The following PALD1 variants were observed in gnomAD, a reference collection of about 807,000 sequenced individuals.
PALD1 encodes paladin.
Under a neutral mutation model 96.0 loss-of-function variants are expected in PALD1, and 57 were observed. That is an observed-to-expected ratio of 0.59 (90% confidence interval 0.48 to 0.74). PALD1 has a LOEUF of 0.74. Among genes scored for constraint, PALD1 ranks in the 30% least tolerant of loss-of-function variants. The pLI, the probability that PALD1 is intolerant of heterozygous loss-of-function variation, is 0.00. For missense variants in PALD1, 1,063 were observed against 1,143.7 expected (o/e 0.93, Z 1.02); for synonymous variants, 464 against 473.6 (o/e 0.98, Z 0.26).
At chr10:70,529,382 C>T in intron 3 of PALD1, 51 bp downstream of exon 3, 1 of 861,382 alleles carries the variant, frequency 1.2e-6, no homozygotes. Flanking sequence ...CCACCCCTAT[C>T]TCTCATGAAT....
intron 18 of PALD1, among the ~76,000 whole-genome samples, chr10:70,555,869 C>T (rs901126652): frequency 2.6e-5 from 4 of 152,118 alleles, no homozygotes; most frequent in African/African-American, 9.7e-5. Flanking sequence ...CGCGAGGTGG[C>T]GGTCACCTGT....
intron 1 of PALD1, among the ~76,000 whole-genome samples, chr10:70,480,016 G>A (rs1845901353): frequency 6.6e-6 from 1 of 152,268 alleles, no homozygotes; most frequent in Non-Finnish European, 1.5e-5. Context: ...ACCATTAATT[G>A]CTATGTGAGT....
At chr10:70,519,284 A>G (rs1456753296) in intron 1 of PALD1, among the ~76,000 whole-genome samples, 1 of 152,122 alleles carries the variant, frequency 6.6e-6, no homozygotes, top group Non-Finnish European at 1.5e-5. Flanking sequence ...ACAAAACGCC[A>G]TGAACTGGGT....
chr10:70,561,659 CTCTG>C, intron 18 of PALD1, among the ~76,000 whole-genome samples: 1 of 152,306 alleles, frequency 6.6e-6, no homozygotes, highest in South Asian at 2.1e-4. Context: ...CCTCACTGGC[CTCTG>C]TCTGCAGGGC....
At chr10:70,555,539 A>G (rs924126863) in intron 18 of PALD1, among the ~76,000 whole-genome samples, 1 of 152,182 alleles carries the variant, frequency 6.6e-6, no homozygotes, top group African/African-American at 2.4e-5. Context: ...GCCAGCCGCT[A>G]CTGTGTGACT....
intron 1 of PALD1, among the ~76,000 whole-genome samples, chr10:70,500,902 G>C (rs930499011): frequency 9.9e-5 from 15 of 152,178 alleles, no homozygotes; most frequent in African/African-American, 3.1e-4. Context: ...CCCTGCCGGG[G>C]GTCTGCCGTG....
At chr10:70,537,771 C>A in intron 10 of PALD1, 40 bp from the exon 11 acceptor site, 2 of 1,383,704 alleles carry the variant, frequency 1.4e-6, no homozygotes, top group South Asian at 1.2e-5. Flanking sequence ...GACAAGACTG[C>A]CTGAGGAGTC....
chr10:70,473,558 G>A, the PALD1 span, among the ~76,000 whole-genome samples: 1 of 152,136 alleles, frequency 6.6e-6, no homozygotes, highest in Non-Finnish European at 1.5e-5. Context: ...TCAGTTCCAT[G>A]AAGGCAGGAA....
At chr10:70,520,540 T>C (rs1589192361) in intron 1 of PALD1, among the ~76,000 whole-genome samples, 1 of 152,130 alleles carries the variant, frequency 6.6e-6, no homozygotes, top group Non-Finnish European at 1.5e-5. Context: ...CTCTGGCAGG[T>C]TGGGTGAGTA....
At chr10:70,515,284 C>T (rs371652047) in intron 1 of PALD1, among the ~76,000 whole-genome samples, 62 of 152,308 alleles carry the variant, frequency 4.1e-4, no homozygotes, top group Non-Finnish European at 7.4e-5. Flanking sequence ...AGGACTTGTG[C>T]GAGGGCCCAG....
At chr10:70,471,552 A>G in the PALD1 span, among the ~76,000 whole-genome samples, 1 of 152,232 alleles carries the variant, frequency 6.6e-6, no homozygotes, top group Non-Finnish European at 1.5e-5. Flanking sequence ...GTTTTAAAAT[A>G]GCTGCACGGT....
At chr10:70,484,203 G>T (rs191765160) in intron 1 of PALD1, among the ~76,000 whole-genome samples, 47 of 152,120 alleles carry the variant, frequency 3.1e-4, no homozygotes, top group African/African-American at 1.1e-3. Context: ...GGGTTTCACC[G>T]CATTGGCCAG....
rs935127865 is a variant in PALD1 at position 70,529,395 on chromosome 10, C to T, written c.288+64C>T. 10 of 746,390 alleles carry T rather than the reference C, an allele frequency of 1.3e-5. No homozygotes were observed. In the Admixed American group the frequency reaches 1.9e-4, roughly 14 times the overall value. The allele number at this position is 746,390 out of a possible 1,614,324, so 46.2% of individuals were successfully genotyped here. The stretch of plus-strand genomic sequence containing the variant: ...TCCCACCCCTATCTCTCATGAATTC[C>T]CTCCCTCACCTCCCTCTGGCCCTCC... On this transcript the variant is annotated intron_variant, in intron 3 of 19. Transcript: ENST00000263563.
intron 19 of PALD1, 81 bp from the exon 20 acceptor site, chr10:70,566,500 A>G: frequency 9.4e-7 from 1 of 1,059,546 alleles, no homozygotes; most frequent in Non-Finnish European, 1.4e-6. Flanking sequence ...CACAGGCCAC[A>G]GACTCATCTT....
chr10:70,514,120 G>T (rs938724582), intron 1 of PALD1, among the ~76,000 whole-genome samples: 1 of 152,224 alleles, frequency 6.6e-6, no homozygotes, highest in South Asian at 2.1e-4. Flanking sequence ...CAGTGCCTCT[G>T]CGGGCCGTCC....
chr10:70,496,298 G>A (rs1846194109), intron 1 of PALD1, among the ~76,000 whole-genome samples: 1 of 151,676 alleles, frequency 6.6e-6, no homozygotes, highest in Admixed American at 6.6e-5. Context: ...TTTTCAGATA[G>A]TGAATCAAGG....
chr10:70,497,747 G>T (rs1461205155), intron 1 of PALD1, among the ~76,000 whole-genome samples: 2 of 151,750 alleles, frequency 1.3e-5, no homozygotes, highest in Non-Finnish European at 2.9e-5. Flanking sequence ...GTGTGTGTGT[G>T]TGTATTTTTA....
upstream of PALD1, among the ~76,000 whole-genome samples, chr10:70,476,531 G>A (rs1486143247): frequency 6.6e-6 from 1 of 152,166 alleles, no homozygotes; most frequent in African/African-American, 2.4e-5. Flanking sequence ...GGCTGGTGAG[G>A]CTGGGCACTG....
At chr10:70,493,039 G>A (rs905394718) in intron 1 of PALD1, among the ~76,000 whole-genome samples, 1 of 152,132 alleles carries the variant, frequency 6.6e-6, no homozygotes, top group Non-Finnish European at 1.5e-5. Flanking sequence ...GTGGGTAATC[G>A]GTGCGAGCTA....
Sources: allele counts gnomAD v4.1 joint callset (sites outside exome capture counted in the v4.1 genomes callset), GRCh38; gene constraint gnomAD v4.1.1; transcripts MANE v1.5; gene names NCBI Gene and HGNC (gene_info 2026-07-23, HGNC 2026-07-21).